The following WDPCP variants were observed in gnomAD, a reference collection of about 807,000 sequenced individuals.
WDPCP encodes the protein WD repeat-containing and planar cell polarity effector protein fritz homolog.
A neutral mutation model predicts 93.1 loss-of-function variants in WDPCP; 71 were observed. The observed-to-expected ratio is 0.76, with a 90% confidence interval of 0.63 to 0.93. The LOEUF is 0.93. WDPCP is among the 40% of genes least tolerant of loss of function. The probability of loss-of-function intolerance (pLI) is 0.00; values close to 1 mark genes in which losing one functional copy is unlikely to be tolerated. For missense variants in WDPCP, 844 were observed against 887.4 expected (o/e 0.95, Z 0.62); for synonymous variants, 315 against 315.0 (o/e 1.00, Z 0.00).
chr2:63,784,103 T>C (rs1432704561), intron 2 of WDPCP, among the ~76,000 whole-genome samples: 1 of 152,180 alleles, frequency 6.6e-6, no homozygotes, highest in Non-Finnish European at 1.5e-5. Context: ...TCTTCTCTCA[T>C]CATTGTATAT....
intron 3 of WDPCP, among the ~76,000 whole-genome samples, chr2:63,606,670 T>G (rs1223195960): frequency 6.6e-6 from 1 of 152,044 alleles, no homozygotes; most frequent in Non-Finnish European, 1.5e-5. Flanking sequence ...TTTTTTTTTT[T>G]AGATTCAAGG....
chr2:63,632,974 C>A (rs1489289624), intron 3 of WDPCP, among the ~76,000 whole-genome samples: 1 of 152,060 alleles, frequency 6.6e-6, no homozygotes, highest in Non-Finnish European at 1.5e-5. Context: ...TTGAAAGTAG[C>A]ACGACAAAAT....
At chr2:63,131,897 G>A (rs1157122927) in intron 17 of WDPCP, among the ~76,000 whole-genome samples, 1 of 146,694 alleles carries the variant, frequency 6.8e-6, no homozygotes, top group African/African-American at 2.5e-5. Flanking sequence ...GTACAGTGGT[G>A]CGATCTCAGC....
intron 1 of WDPCP, among the ~76,000 whole-genome samples, chr2:63,569,198 T>C (rs1428082306): frequency 6.6e-6 from 1 of 152,050 alleles, no homozygotes; most frequent in African/African-American, 2.4e-5. Flanking sequence ...TCTATAAAAT[T>C]CAAAAATGAT....
At chr2:63,594,632 T>G in intron 3 of WDPCP, 1 of 1,329,914 alleles carries the variant, frequency 7.5e-7, no homozygotes, top group Non-Finnish European at 1.1e-6. Context: ...AGTAAGAATA[T>G]GGTTAATAAA....
At chr2:63,284,681 G>T (rs1683847635) in intron 13 of WDPCP, among the ~76,000 whole-genome samples, 1 of 152,168 alleles carries the variant, frequency 6.6e-6, no homozygotes, top group African/African-American at 2.4e-5. Flanking sequence ...GAATATGTTA[G>T]ACAAAGGGAT....
At chr2:63,497,111 C>CAAAAAAAAAA (rs10667775) in intron 1 of WDPCP, among the ~76,000 whole-genome samples, 2 of 72,468 alleles carry the variant, frequency 2.8e-5, no homozygotes, top group African/African-American at 1.1e-4. Flanking sequence ...GACTCCATCT[C>CAAAAAAAAAA]AAAAAAAAAA....
chr2:63,253,992 A>G (rs1390013141), intron 14 of WDPCP, among the ~76,000 whole-genome samples: 4 of 152,160 alleles, frequency 2.6e-5, no homozygotes, highest in African/African-American at 9.7e-5. Context: ...GGAACCCATC[A>G]ATGATGGATT....
chr2:63,484,569 G>A (rs1700451580), intron 6 of WDPCP, 35 bp downstream of exon 6: 1 of 1,611,458 alleles, frequency 6.2e-7, no homozygotes, highest in Admixed American at 1.7e-5. Flanking sequence ...AGCTCCATTG[G>A]TTAAACACTG....
chr2:63,197,570 C>T (rs1675543202), intron 14 of WDPCP, among the ~76,000 whole-genome samples: 1 of 152,192 alleles, frequency 6.6e-6, no homozygotes, highest in Non-Finnish European at 1.5e-5. Context: ...TATTGAAGTA[C>T]ATCCTGTAAA....
At chr2:63,198,700 C>T (rs1675649684) in intron 14 of WDPCP, among the ~76,000 whole-genome samples, 1 of 152,172 alleles carries the variant, frequency 6.6e-6, no homozygotes, top group South Asian at 2.1e-4. Flanking sequence ...TCTGAGGCCT[C>T]TTAACTTTGT....
intron 15 of WDPCP, 27 bp from the exon 16 acceptor site, chr2:63,153,601 GA>G: frequency 3.8e-6 from 6 of 1,565,064 alleles, no homozygotes; most frequent in South Asian, 3.5e-5. Context: ...TTTTTAATTG[GA>G]AAAAGGATTA....
chr2:63,565,177 A>G (rs1055002262), intron 1 of WDPCP, among the ~76,000 whole-genome samples: 4 of 152,244 alleles, frequency 2.6e-5, no homozygotes, highest in Admixed American at 2.0e-4. Flanking sequence ...TGAACACAGA[A>G]TGATTATCAA....
chr2:63,232,013 C>T (rs140617324), intron 14 of WDPCP, among the ~76,000 whole-genome samples: 1,782 of 152,170 alleles, frequency 0.012, 9 homozygotes, highest in Non-Finnish European at 0.019. Context: ...ATAGAGCCCC[C>T]GGAAATAATA....
At chr2:63,217,684 C>T (rs1677467426) in intron 14 of WDPCP, among the ~76,000 whole-genome samples, 1 of 152,166 alleles carries the variant, frequency 6.6e-6, no homozygotes, top group South Asian at 2.1e-4. Flanking sequence ...TCATTTTGTG[C>T]TGAGCCACAT....
intron 2 of WDPCP, 73 bp from the exon 3 acceptor site, chr2:63,487,567 A>G (rs1037993188): frequency 2.7e-6 from 3 of 1,119,094 alleles, no homozygotes; most frequent in Non-Finnish European, 2.7e-6. Flanking sequence ...GCCATACTAT[A>G]TTAGGGGAAG....
chr2:63,632,409 T>C (rs926340372), intron 3 of WDPCP, among the ~76,000 whole-genome samples: 1 of 152,096 alleles, frequency 6.6e-6, no homozygotes, highest in Admixed American at 6.5e-5. Context: ...AAACAAAGAA[T>C]ACAAAATAAT....
At chr2:63,665,556 G>A (rs1285699914) in intron 2 of WDPCP, among the ~76,000 whole-genome samples, 1 of 152,182 alleles carries the variant, frequency 6.6e-6, no homozygotes, top group Non-Finnish European at 1.5e-5. Flanking sequence ...CACATACTGA[G>A]ATACTAGGAG....
intron 12 of WDPCP, among the ~76,000 whole-genome samples, chr2:63,323,853 C>T (rs1687315144): frequency 1.3e-5 from 2 of 152,118 alleles, no homozygotes; most frequent in Non-Finnish European, 2.9e-5. Context: ...ATTTTTGCTG[C>T]TGCGTCAGGG....
Sources: gnomAD v4.1 joint callset for allele counts (sites outside exome capture counted in the v4.1 genomes callset) on GRCh38, gnomAD v4.1.1 for gene constraint, MANE v1.5 for transcripts, NCBI Gene and HGNC (gene_info 2026-07-23, HGNC 2026-07-21) for gene names.